Variants in RHOBTB1 observed in about 807,000 individuals in gnomAD.
RHOBTB1 encodes the protein rho-related BTB domain-containing protein 1.
Under a neutral mutation model 71.6 loss-of-function variants are expected in RHOBTB1, and 40 were observed. That is an observed-to-expected ratio of 0.56 (90% CI 0.43 to 0.73). The LOEUF (loss-of-function observed/expected upper bound fraction) is 0.73. RHOBTB1 is among the 30% of genes least tolerant of loss of function. RHOBTB1 has a pLI of 0.00. For synonymous variants in RHOBTB1, 319 were observed against 334.9 expected (o/e 0.95, Z 0.52); for missense variants, 797 against 894.0 (o/e 0.89, Z 1.38).
intron 4 of RHOBTB1, among the ~76,000 whole-genome samples, chr10:60,910,683 C>T (rs1158476613): frequency 1.3e-5 from 2 of 152,206 alleles, no homozygotes; most frequent in Non-Finnish European, 2.9e-5. Flanking sequence ...CAACACAGTA[C>T]TTCCTCATTG....
chr10:60,920,182 A>G (rs1398829979), intron 2 of RHOBTB1, among the ~76,000 whole-genome samples: 2 of 152,230 alleles, frequency 1.3e-5, no homozygotes, highest in Non-Finnish European at 1.5e-5. Flanking sequence ...TAAAAATTAC[A>G]TGCTAAGCAC....
At chr10:60,911,154 T>C (rs2082948339) in intron 3 of RHOBTB1, among the ~76,000 whole-genome samples, 164 bp from the exon 4 acceptor site, 3 of 152,244 alleles carry the variant, frequency 2.0e-5, no homozygotes, top group African/African-American at 2.4e-5. Flanking sequence ...CCTGGAATCA[T>C]CTGTCTCAAC....
chr10:60,862,679 T>C, the RHOBTB1 span, among the ~76,000 whole-genome samples: 1 of 151,194 alleles, frequency 6.6e-6, no homozygotes, highest in African/African-American at 2.4e-5. Flanking sequence ...TTCCTCTTTC[T>C]CTTTACTTCC....
chr10:60,946,436 A>G (rs1266562782), upstream of RHOBTB1, among the ~76,000 whole-genome samples: 3 of 152,318 alleles, frequency 2.0e-5, no homozygotes, highest in East Asian at 5.8e-4. Context: ...GGGGGGGCAC[A>G]GGGCTGAGTG....
chr10:60,935,760 C>T (rs377195519), intron 2 of RHOBTB1, among the ~76,000 whole-genome samples: 1 of 152,194 alleles, frequency 6.6e-6, no homozygotes, highest in Non-Finnish European at 1.5e-5. Context: ...ACTCAAAATG[C>T]ATCATTTTCT....
chr10:60,916,746 A>G (rs2083287665), intron 2 of RHOBTB1, among the ~76,000 whole-genome samples: 1 of 152,186 alleles, frequency 6.6e-6, no homozygotes, highest in Non-Finnish European at 1.5e-5. Flanking sequence ...ACTTGTGAAT[A>G]TGTTCCATTG....
At chr10:60,916,562 C>A (rs1289488391) in intron 2 of RHOBTB1, among the ~76,000 whole-genome samples, 1 of 152,174 alleles carries the variant, frequency 6.6e-6, no homozygotes, top group Admixed American at 6.5e-5. Flanking sequence ...ACCTTCACTC[C>A]TCTATTTATT....
intron 4 of RHOBTB1, among the ~76,000 whole-genome samples, chr10:60,900,216 G>A (rs1437410848): frequency 1.3e-5 from 2 of 152,156 alleles, no homozygotes; most frequent in East Asian, 3.9e-4. Flanking sequence ...GGAGAGGACT[G>A]GGAGGGTCAG....
downstream of RHOBTB1, among the ~76,000 whole-genome samples, chr10:60,864,715 C>T (rs550745140): frequency 2.5e-3 from 375 of 151,932 alleles, 2 homozygotes; most frequent in African/African-American, 8.6e-3. Flanking sequence ...ATTTTTGAGA[C>T]AGAGTCTCAC....
chr10:60,868,219 G>A (rs1442603871), downstream of RHOBTB1, among the ~76,000 whole-genome samples: 1 of 151,948 alleles, frequency 6.6e-6, no homozygotes. Flanking sequence ...AGAAATTATT[G>A]CTATTTGCCC....
the RHOBTB1 span, among the ~76,000 whole-genome samples, chr10:60,862,995 T>C: frequency 6.6e-6 from 1 of 152,122 alleles, no homozygotes; most frequent in African/African-American, 2.4e-5. Context: ...AGGCTGTTGG[T>C]ATTTAAATAC....
intron 2 of RHOBTB1, among the ~76,000 whole-genome samples, chr10:60,925,537 A>G (rs1383945536): frequency 6.6e-6 from 1 of 152,166 alleles, no homozygotes; most frequent in Non-Finnish European, 1.5e-5. Context: ...GAAAAGCAAG[A>G]GCAAACTAAA....
chr10:60,942,233 A>G (rs1410567261), intron 1 of RHOBTB1, among the ~76,000 whole-genome samples: 1 of 152,222 alleles, frequency 6.6e-6, no homozygotes, highest in Non-Finnish European at 1.5e-5. Context: ...GCATTTTTAG[A>G]CAATATAATC....
At chr10:60,916,429 C>T (rs989535155) in intron 2 of RHOBTB1, among the ~76,000 whole-genome samples, 7 of 152,194 alleles carry the variant, frequency 4.6e-5, no homozygotes, top group African/African-American at 1.7e-4. Flanking sequence ...AGTGGAATCA[C>T]CAGCCAACCC....
chr10:60,933,822 T>C (rs1022285034), intron 2 of RHOBTB1, among the ~76,000 whole-genome samples: 2 of 152,172 alleles, frequency 1.3e-5, no homozygotes, highest in African/African-American at 4.8e-5. Flanking sequence ...AAAAATGTGT[T>C]ATAGGAGTAC....
chr10:60,964,572 C>T (rs2085896123), intron 2 of RHOBTB1, among the ~76,000 whole-genome samples: 1 of 152,186 alleles, frequency 6.6e-6, no homozygotes, highest in East Asian at 1.9e-4. Flanking sequence ...TATGTCTATC[C>T]TAATTTTCCT....
intron 2 of RHOBTB1, among the ~76,000 whole-genome samples, chr10:60,971,481 T>C (rs1464262867): frequency 6.6e-6 from 1 of 152,170 alleles, no homozygotes; most frequent in African/African-American, 2.4e-5. Context: ...TTGGGAAAAC[T>C]GGCTAGCCAT....
At chr10:60,915,260 G>A (rs1327470856) in intron 2 of RHOBTB1, among the ~76,000 whole-genome samples, 2 of 152,116 alleles carry the variant, frequency 1.3e-5, no homozygotes, top group Admixed American at 1.3e-4. Flanking sequence ...TGATGGTTGA[G>A]TGTACTCTTA....
At chr10:60,886,803 G>C (rs2081606126) in intron 6 of RHOBTB1, among the ~76,000 whole-genome samples, 1 of 151,400 alleles carries the variant, frequency 6.6e-6, no homozygotes, top group Non-Finnish European at 1.5e-5. Context: ...CTCTGAAGTA[G>C]CTGGGACTGT....
Sources: allele counts gnomAD v4.1 joint callset (sites outside exome capture counted in the v4.1 genomes callset), GRCh38; gene constraint gnomAD v4.1.1; transcripts MANE v1.5; gene names NCBI Gene and HGNC (gene_info 2026-07-23, HGNC 2026-07-21).